Variants in EIF4G3 observed in about 807,000 individuals in gnomAD.
EIF4G3 encodes eukaryotic translation initiation factor 4 gamma 3.
A neutral mutation model predicts 186.4 loss-of-function variants in EIF4G3; 34 were observed. The observed-to-expected ratio is 0.18, with a 90% CI of 0.14 to 0.24. The LOEUF is 0.24. Ranked by LOEUF, EIF4G3 falls within the 10% of genes least tolerant of loss-of-function variation. The pLI is 1.00. For synonymous variants in EIF4G3, 673 were observed against 679.5 expected, an observed-to-expected ratio of 0.99 and a Z score of 0.15; for missense variants, 1,536 against 1,948.5, an observed-to-expected ratio of 0.79 and a Z score of 3.99.
chr1:20,927,827 G>A (rs868322605), intron 14 of EIF4G3, among the ~76,000 whole-genome samples: 5 of 152,090 alleles, frequency 3.3e-5, no homozygotes, highest in Admixed American at 6.6e-5. Flanking sequence ...CTGTGACATC[G>A]AGCAATGCCT....
At chr1:21,060,413 T>C (rs779439042) in intron 3 of EIF4G3, among the ~76,000 whole-genome samples, 15 of 152,272 alleles carry the variant, frequency 9.9e-5, no homozygotes, top group Non-Finnish European at 1.6e-4. Context: ...AAGAGACAAA[T>C]CACAAACTTA....
chr1:21,090,711 T>C (rs946085114), intron 2 of EIF4G3, among the ~76,000 whole-genome samples: 3 of 152,218 alleles, frequency 2.0e-5, no homozygotes, highest in African/African-American at 7.2e-5. Flanking sequence ...CAGCTGAACG[T>C]TCCTAAACCT....
intron 2 of EIF4G3, among the ~76,000 whole-genome samples, chr1:21,163,459 T>A (rs1376893958): frequency 6.6e-6 from 1 of 152,196 alleles, no homozygotes; most frequent in African/African-American, 2.4e-5. Context: ...CCATTAAAAT[T>A]ATACATGGAC....
chr1:21,086,759 G>A (rs1244237558), intron 3 of EIF4G3, among the ~76,000 whole-genome samples: 2 of 151,942 alleles, frequency 1.3e-5, no homozygotes, highest in Non-Finnish European at 2.9e-5. Flanking sequence ...GGCCAATATG[G>A]TGAAACCCCA....
In EIF4G3 at chr1:20,825,273, T is replaced by C. The variant is rs1184336907; in HGVS notation, c.4270-75A>G. 7 of 1,034,980 alleles carry C rather than the reference T, an allele frequency of 6.8e-6. No individual in the cohort carries two copies. The East Asian group carries it at 7.8e-5, about 12-fold the overall frequency. The allele number at this position is 1,034,980 out of a possible 1,614,324, so 64.1% of individuals were successfully genotyped here. A position where few individuals can be genotyped will look rare whatever the true frequency, so the allele number is the denominator to read the frequency against. On this transcript the variant is annotated intron_variant, in intron 32 of 36. Coordinates refer to ENST00000602326, the MANE Select transcript of EIF4G3 (RefSeq NM_001391906.1). ...ACAGAAAAAAAAAAAAAAAAAAAGA[T>C]TTGCTTGAAGTCAAACAGTGCAAAC... is the stretch of plus-strand genomic sequence containing the variant.
chr1:20,931,569 G>A (rs1018469754), intron 14 of EIF4G3, among the ~76,000 whole-genome samples: 3 of 152,186 alleles, frequency 2.0e-5, no homozygotes, highest in African/African-American at 7.2e-5. Flanking sequence ...CCTAATGAGA[G>A]TCAGCCTGTC....
intron 6 of EIF4G3, chr1:20,998,764 T>C (rs1026740238): frequency 2.8e-5 from 10 of 361,998 alleles, no homozygotes; most frequent in South Asian, 1.5e-4. Flanking sequence ...ATACGTTAGC[T>C]ATTGTAATGT....
At chr1:20,897,330 C>G (rs572815976) in intron 16 of EIF4G3, among the ~76,000 whole-genome samples, 1 of 150,836 alleles carries the variant, frequency 6.6e-6, no homozygotes, top group South Asian at 2.1e-4. Context: ...ACTTAAATAA[C>G]TAAGAAATAA....
intron 4 of EIF4G3, among the ~76,000 whole-genome samples, chr1:21,022,001 A>G (rs1257208221): frequency 6.6e-6 from 1 of 152,244 alleles, no homozygotes; most frequent in Non-Finnish European, 1.5e-5. Context: ...TTTCTATTTC[A>G]AAACAACATT....
At chr1:20,812,272 A>G (rs1403519309) in intron 35 of EIF4G3, among the ~76,000 whole-genome samples, 1 of 152,204 alleles carries the variant, frequency 6.6e-6, no homozygotes, top group Non-Finnish European at 1.5e-5. Flanking sequence ...GAAAACAAAA[A>G]CCAAACAGCT....
chr1:20,856,176 A>G (rs2074845220), intron 25 of EIF4G3, among the ~76,000 whole-genome samples: 1 of 152,216 alleles, frequency 6.6e-6, no homozygotes, highest in African/African-American at 2.4e-5. Flanking sequence ...GATCCTAGCT[A>G]ATTACATTAT....
rs78644480 is a variant in EIF4G3, at chr1:21,038,442, C to T, written c.-67+12424G>A. On this transcript the variant is annotated intron_variant, in intron 4 of 36. Coordinates refer to ENST00000602326, the MANE Select transcript of EIF4G3 (RefSeq NM_001391906.1). The stretch of plus-strand genomic sequence containing the variant: ...CCCTCTCTGGACCTACTACTGATAG[C>T]CACCACGATTATCTCTACTAATTTC... Among the ~76,000 whole-genome samples the T allele has an allele frequency of 4.8e-3, 727 of 152,326 alleles. 2 individuals carry two copies. The highest frequency in any genetic ancestry group is 0.01 in the Middle Eastern group (3 of 294).
At chr1:20,920,756 C>T (rs2094429756) in intron 14 of EIF4G3, among the ~76,000 whole-genome samples, 1 of 151,672 alleles carries the variant, frequency 6.6e-6, no homozygotes, top group Non-Finnish European at 1.5e-5. Context: ...TTTTTTTCCC[C>T]ATTAACCTCA....
At chr1:20,939,727 C>T (rs1349331233) in intron 14 of EIF4G3, among the ~76,000 whole-genome samples, 2 of 151,696 alleles carry the variant, frequency 1.3e-5, no homozygotes, top group African/African-American at 2.4e-5. Context: ...ATTTTTGTAA[C>T]TATCGTATCA....
chr1:20,918,144 T>G (rs1406210531), intron 14 of EIF4G3, among the ~76,000 whole-genome samples: 1 of 152,122 alleles, frequency 6.6e-6, no homozygotes, highest in Non-Finnish European at 1.5e-5. Context: ...GCCTCAGCAC[T>G]CTGTGTCTGA....
intron 17 of EIF4G3, 72 bp downstream of exon 17, chr1:20,895,296 C>T: frequency 6.7e-7 from 1 of 1,503,236 alleles, no homozygotes; most frequent in Non-Finnish European, 9.0e-7. Context: ...GCTCATACTT[C>T]ACATATTTGC....
At chr1:20,849,774 G>C (rs1373094909) in intron 28 of EIF4G3, among the ~76,000 whole-genome samples, 1 of 151,984 alleles carries the variant, frequency 6.6e-6, no homozygotes, top group African/African-American at 2.4e-5. Flanking sequence ...AAGCTTTTTT[G>C]TTCCTTTCTG....
At chr1:21,086,078 T>C (rs2095963507) in intron 3 of EIF4G3, among the ~76,000 whole-genome samples, 1 of 152,016 alleles carries the variant, frequency 6.6e-6, no homozygotes, top group Admixed American at 6.6e-5. Flanking sequence ...AGATAATTTA[T>C]AACAGAAACT....
At chr1:20,856,128 A>C (rs1399854946) in intron 25 of EIF4G3, among the ~76,000 whole-genome samples, 1 of 152,204 alleles carries the variant, frequency 6.6e-6, no homozygotes, top group Non-Finnish European at 1.5e-5. Flanking sequence ...TCTGAGATAT[A>C]AACAACTAGA....
Sources: allele counts gnomAD v4.1 joint callset (sites outside exome capture counted in the v4.1 genomes callset), GRCh38; gene constraint gnomAD v4.1.1; transcripts MANE v1.5; gene names NCBI Gene and HGNC (gene_info 2026-07-23, HGNC 2026-07-21).